Variants in ACOT7 observed in about 807,000 individuals in gnomAD.
ACOT7 encodes the protein acyl-CoA thioesterase 7.
In ACOT7, 12 loss-of-function variants were observed where a neutral mutation model predicts 40.2. That is an observed-to-expected ratio of 0.30 (90% CI 0.19 to 0.48). ACOT7 has a LOEUF of 0.48. ACOT7 is among the 20% of genes least tolerant of loss of function. The pLI, the probability that ACOT7 is intolerant of heterozygous loss-of-function variation, is 0.99. For synonymous variants in ACOT7, 228 were observed against 219.5 expected (o/e 1.04, Z -0.34); for missense variants, 395 against 530.8 (o/e 0.74, Z 2.51).
chr1:6,285,421 C>T (rs929636383), intron 7 of ACOT7, among the ~76,000 whole-genome samples: 1 of 152,266 alleles, frequency 6.6e-6, no homozygotes, highest in African/African-American at 2.4e-5. Flanking sequence ...TCCCTTCCTC[C>T]CTGCAAAAGG....
intron 7 of ACOT7, among the ~76,000 whole-genome samples, chr1:6,284,314 T>C (rs1265141664): frequency 6.6e-6 from 1 of 152,050 alleles, no homozygotes; most frequent in Admixed American, 6.6e-5. Flanking sequence ...CAGTGGCTCA[T>C]ACCTGTAATC....
intron 5 of ACOT7, among the ~76,000 whole-genome samples, chr1:6,320,820 G>A (rs528009087): frequency 4.2e-4 from 64 of 152,278 alleles, no homozygotes; most frequent in Admixed American, 6.5e-4. Flanking sequence ...AACCCTATCC[G>A]GCCTCTGCGC....
At chr1:6,310,999 A>G (rs1640315313) in intron 6 of ACOT7, among the ~76,000 whole-genome samples, 1 of 152,170 alleles carries the variant, frequency 6.6e-6, no homozygotes, top group South Asian at 2.1e-4. Context: ...TGGCCTCCCA[A>G]AGTGCTGGGA....
intron 7 of ACOT7, among the ~76,000 whole-genome samples, chr1:6,290,346 G>T (rs568688203): frequency 6.6e-6 from 1 of 152,158 alleles, no homozygotes; most frequent in African/African-American, 2.4e-5. Context: ...GACTGGCAAC[G>T]GGTCTCAACT....
chr1:6,322,157 T>C (rs1166763626), intron 5 of ACOT7, among the ~76,000 whole-genome samples: 1 of 150,454 alleles, frequency 6.6e-6, no homozygotes, highest in Admixed American at 6.6e-5. Flanking sequence ...CTTGGAGGGG[T>C]CTGTTGGTTG....
chr1:6,365,776 A>G (rs1641997308), intron 1 of ACOT7, among the ~76,000 whole-genome samples: 1 of 152,216 alleles, frequency 6.6e-6, no homozygotes, highest in African/African-American at 2.4e-5. Context: ...TCAAAAAAAA[A>G]AAAAAAATTT....
intron 3 of ACOT7, among the ~76,000 whole-genome samples, chr1:6,335,760 C>T (rs956348558): frequency 4.6e-5 from 7 of 152,240 alleles, no homozygotes; most frequent in Admixed American, 2.0e-4. Flanking sequence ...CCCTCCTCCC[C>T]GCACAGAACA....
chr1:6,376,030 G>A (rs7526058), intron 1 of ACOT7, among the ~76,000 whole-genome samples: 3,476 of 152,244 alleles, frequency 0.023, 138 homozygotes, highest in African/African-American at 0.078. Flanking sequence ...CAAGGCAGGC[G>A]GATCACTTGA....
chr1:6,378,383 A>T (rs1477881031), intron 1 of ACOT7, among the ~76,000 whole-genome samples: 1 of 151,924 alleles, frequency 6.6e-6, no homozygotes, highest in Non-Finnish European at 1.5e-5. Context: ...GGGCCTTCCC[A>T]GGTCCCAGCC....
intron 3 of ACOT7, among the ~76,000 whole-genome samples, chr1:6,339,167 A>AG (rs113599028): frequency 0.03 from 4,516 of 152,286 alleles, 239 homozygotes; most frequent in African/African-American, 0.1. Flanking sequence ...GACAGGCAGC[A>AG]TGATGTGCTC....
intron 1 of ACOT7, among the ~76,000 whole-genome samples, chr1:6,364,050 C>T (rs894724685): frequency 2.0e-5 from 3 of 152,012 alleles, no homozygotes; most frequent in Admixed American, 6.6e-5. Flanking sequence ...GATGACAGAG[C>T]GAGACCTTGT....
intron 6 of ACOT7, among the ~76,000 whole-genome samples, chr1:6,317,767 T>C (rs1417664474): frequency 2.0e-5 from 3 of 150,432 alleles, no homozygotes; most frequent in African/African-American, 4.9e-5. Flanking sequence ...AGTCTCACTC[T>C]GTCGCCCAGG....
chr1:6,297,392 A>G (rs1315075249), intron 6 of ACOT7, among the ~76,000 whole-genome samples: 1 of 152,194 alleles, frequency 6.6e-6, no homozygotes, highest in Non-Finnish European at 1.5e-5. Context: ...ACCAGACTCC[A>G]TCCCACAAGC....
At chr1:6,363,515 T>C (rs7517958) in intron 1 of ACOT7, among the ~76,000 whole-genome samples, 9,547 of 152,244 alleles carry the variant, frequency 0.063, 854 homozygotes, top group East Asian at 0.45. Context: ...TGTTCCATCC[T>C]GCACACCTGG....
intron 4 of ACOT7, among the ~76,000 whole-genome samples, chr1:6,328,919 C>G (rs1640880903): frequency 6.6e-6 from 1 of 152,212 alleles, no homozygotes; most frequent in South Asian, 2.1e-4. Flanking sequence ...CTCCATCCCC[C>G]ACGACCTTCT....
Position 6,282,867 on chromosome 1 carries a change from G to T in ACOT7, c.830-1581C>A. 1 of 1,115,298 alleles carries T rather than the reference G, an allele frequency of 9.0e-7. No homozygotes were observed. Among genetic ancestry groups the T allele is most frequent in the Non-Finnish European group, 1.2e-6 (1 of 816,918 alleles). 69.1% of individuals were successfully genotyped at this position (1,115,298 alleles called of 1,614,324 possible). On this transcript the variant is annotated intron_variant, in intron 7 of 8. Transcript: ENST00000361521. The surrounding 1 kb of genome is among the most constrained non-coding windows in gnomAD (Gnocchi z 4.5). ...GCACCCCGGGAGGAGGGCAGGCCAT[G>T]GGTCAGGCCCCAGCTAAGGAGCTAG...
In ACOT7 at chr1:6,339,427, A is replaced by T; in HGVS notation, c.418+6T>A. 1 of 1,612,708 alleles carries T rather than the reference A, an allele frequency of 6.2e-7. No homozygotes were observed. Among genetic ancestry groups the T allele is most frequent in the Non-Finnish European group, 8.5e-7 (1 of 1,179,988 alleles). On this transcript the variant is annotated splice_donor_region_variant and intron_variant, in intron 3 of 8. Coordinates refer to ENST00000361521, the MANE Select transcript of ACOT7 (RefSeq NM_007274.4). Reference sequence around the variant, plus strand: ...CTCCAGTCAACACTGTCGCTCCCAGAAGTACCTGTGAGGATGTTTTCGGAC... The same window carrying T: ...CTCCAGTCAACACTGTCGCTCCCAGTAGTACCTGTGAGGATGTTTTCGGAC...
intron 2 of ACOT7, among the ~76,000 whole-genome samples, chr1:6,339,890 CTGGGACTA>C (rs1641219818): frequency 2.7e-5 from 4 of 148,038 alleles, no homozygotes; most frequent in African/African-American, 1.0e-4. Context: ...CAGGCGCCCG[CTGGGACTA>C]CAGCGGGCCT....
chr1:6,294,723 C>A lies in ACOT7; in HGVS notation c.829+141G>T, dbSNP rs1639764360. On this transcript the variant is annotated intron_variant, in intron 7 of 8. Transcript: ENST00000361521. This position sits in a 1 kb window ranked among gnomAD's most constrained non-coding sequence, Gnocchi z 4.6. ...TAAACAGCAAGGACAAAGAAAGAAA[C>A]CTCAGCTTCCTGTTCCCTGTGGCAG... 1 of 644,112 alleles carries A rather than the reference C, an allele frequency of 1.6e-6. No homozygotes were observed. Among genetic ancestry groups the A allele is most frequent in the Non-Finnish European group, 2.7e-6 (1 of 364,220 alleles). 39.9% of individuals were successfully genotyped at this position (644,112 alleles called of 1,614,324 possible).
Sources: allele counts gnomAD v4.1 joint callset (sites outside exome capture counted in the v4.1 genomes callset), GRCh38; gene constraint gnomAD v4.1.1; non-coding constraint Gnocchi (gnomAD v3.1); transcripts MANE v1.5; gene names NCBI Gene and HGNC (gene_info 2026-07-23, HGNC 2026-07-21).